ZNF763: variants seen among roughly 807,000 people sequenced by gnomAD.
ZNF763 encodes the protein zinc finger protein 763, also known as DNA-binding protein.
In ZNF763, 33 loss-of-function variants were observed where a neutral mutation model predicts 38.0. The observed-to-expected ratio is 0.87, with a 90% CI of 0.66 to 1.16. ZNF763 has a LOEUF of 1.16. ZNF763 is among the 50% of genes most tolerant of loss of function. The pLI, the probability that ZNF763 is intolerant of heterozygous loss-of-function variation, is 0.00. For synonymous variants in ZNF763, 155 were observed against 160.1 expected (o/e 0.97, Z 0.24); for missense variants, 423 against 469.1 (o/e 0.90, Z 0.91).
intron 1 of ZNF763, among the ~76,000 whole-genome samples, chr19:11,966,342 A>G (rs1973228741): frequency 6.6e-6 from 1 of 152,158 alleles, no homozygotes; most frequent in Admixed American, 6.5e-5. Context: ...GCCAAGAGCC[A>G]GTCACTTCAC....
rs1454057189 is a variant in ZNF763, at chr19:11,978,443, T to G, written c.519T>G (p.Ala173=). ...ERNHTGEKPY[A]CKECGKTFIS... ...ATCACACCGGAGAGAAACCCTATGC[T>G]TGTAAAGAATGTGGAAAAACCTTTA... The change falls in exon 4 of 4, where the codon GCT becomes GCG. Residue 173 remains alanine (A), a synonymous_variant. Transcript: ENST00000358987. The G allele has an allele frequency of 3.1e-6, 5 of 1,614,084 alleles. No individual in the cohort carries two copies. The highest frequency in any genetic ancestry group is 1.6e-4 in the Middle Eastern group (1 of 6,062).
In ZNF763 at chr19:11,979,949, C is replaced by T. The variant is rs1748585369; in HGVS notation, c.*840C>T. ...TTATTCTGCCAAGTCATTTCAAATACCTGAAAAATCTTACACTGGAGAGAA... is the reference window on the plus strand; with the variant it reads ...TTATTCTGCCAAGTCATTTCAAATATCTGAAAAATCTTACACTGGAGAGAA... On this transcript the variant is annotated 3_prime_UTR_variant, in exon 4 of 4. Coordinates refer to ENST00000358987, the MANE Select transcript of ZNF763 (RefSeq NM_001367172.2). 1.6e-6 allele frequency: 2 copies of T among 1,282,350 alleles called. No individual in the cohort carries two copies. The highest frequency in any genetic ancestry group is 4.8e-5 in the East Asian group (2 of 41,502). The allele number at this position is 1,282,350 out of a possible 1,614,324, so 79.4% of individuals were successfully genotyped here.
At chr19:11,972,592 AT>A (rs1973373859) in intron 1 of ZNF763, among the ~76,000 whole-genome samples, 1 of 152,154 alleles carries the variant, frequency 6.6e-6, no homozygotes, top group East Asian at 1.9e-4. Flanking sequence ...ATTTTTGCAC[AT>A]TTTTTATGCA....
chr19:11,969,232 G>C (rs1973300901), intron 1 of ZNF763, among the ~76,000 whole-genome samples: 1 of 152,182 alleles, frequency 6.6e-6, no homozygotes, highest in South Asian at 2.1e-4. Context: ...AGCCTTTCCA[G>C]TAGCTGGGAT....
At chr19:11,969,526 AC>A (rs1973307195) in intron 1 of ZNF763, among the ~76,000 whole-genome samples, 4 of 152,206 alleles carry the variant, frequency 2.6e-5, no homozygotes, top group Non-Finnish European at 5.9e-5. Context: ...AGTAATTTTC[AC>A]GAGTTGTATT....
At position 11,977,094 on chromosome 19, in the gene ZNF763, G is replaced by A; in HGVS notation, c.60G>A (p.Leu20=). ...ACTTCACCCAGGAGGAGTGGGCTTT[G>A]CTGGATATTTCGCAGAGGAAACTCT... ...AVNFTQEEWA[L]LDISQRKLYR... Residue 20 remains leucine, a synonymous_variant, in exon 2 of 4, where the codon TTG becomes TTA. Transcript: ENST00000358987. The A allele has an allele frequency of 6.2e-7, 1 of 1,614,148 alleles. No homozygotes were observed.
intron 1 of ZNF763, among the ~76,000 whole-genome samples, chr19:11,974,102 TTTC>T (rs1323341386): frequency 1.8e-3 from 174 of 97,292 alleles, no homozygotes; most frequent in South Asian, 7.0e-3. Context: ...TCTTTCTTTC[TTTC>T]TTTCTTTCTT....
rs1158547716 is a variant in ZNF763 at position 11,978,704 on chromosome 19, A to C, written c.780A>C (p.Gln260His). 1.7e-5 allele frequency: 28 copies of C among 1,614,156 alleles called. No homozygotes were observed. The highest frequency in any genetic ancestry group is 2.4e-5 in the Non-Finnish European group (28 of 1,179,996). ...GAGAAAAGCCTTATGAATGTCAGCA[A>C]TGTGGGAAAGCATTCCATAGTTCCA... ...HTGEKPYECQ[Q>H]CGKAFHSSSS... The change falls in exon 4 of 4, where the codon CAA (glutamine) becomes CAC (histidine). Residue 260 changes from glutamine (Q) to histidine (H), a missense_variant. Coordinates refer to ENST00000358987, the MANE Select transcript of ZNF763 (RefSeq NM_001367172.2).
At chr19:11,974,071 TTCTTTCTTTCTTTCTTTCTTTCTTTC>T (rs1973409126) in intron 1 of ZNF763, among the ~76,000 whole-genome samples, 2 of 61,146 alleles carry the variant, frequency 3.3e-5, no homozygotes. Context: ...CTTCTTTCTT[TTCTTTCTTTCTTTCTTTCTTTCTTTC>T]TTTCTTTCTT....
chr19:11,967,167 T>G (rs1056219202), intron 1 of ZNF763, among the ~76,000 whole-genome samples: 1 of 152,096 alleles, frequency 6.6e-6, no homozygotes, highest in Non-Finnish European at 1.5e-5. Flanking sequence ...AAACCTCTTC[T>G]CTTCCAAAAA....
rs201074155 is a variant in ZNF763, at chr19:11,977,480, A to G, written c.191+49A>G. ...CAGTGTCTCTAGATGATTTTAGTAT[A>G]TGATAATATGTTGAAGAGAAGTAAA... On this transcript the variant is annotated intron_variant, in intron 3 of 3. Transcript: ENST00000358987. 6.1e-5 allele frequency: 97 copies of G among 1,591,864 alleles called. 1 individual carries two copies. In the Admixed American group the frequency reaches 1.6e-3, roughly 27 times the overall value.
At chr19:11,977,871 A>G (rs1973529918) in intron 3 of ZNF763, among the ~76,000 whole-genome samples, 1 of 152,210 alleles carries the variant, frequency 6.6e-6, no homozygotes, top group Non-Finnish European at 1.5e-5. Context: ...GAAAAATCAC[A>G]CAGAGTATTT....
chr19:11,978,220 C>T lies in ZNF763; in HGVS notation c.296C>T (p.Ala99Val), dbSNP rs745663334. The T allele has an allele frequency of 1.2e-6, 2 of 1,614,042 alleles. No homozygotes were observed. The highest frequency in any genetic ancestry group is 1.1e-5 in the South Asian group (1 of 91,080). ...AGGCTGAACTTCCAGGAGAAGAAAG[C>T]TTCTCCTGAAGCAAAATCATGTGAT... ...DDRLNFQEKK[A>V]SPEAKSCDNF... The change falls in exon 4 of 4, where the codon GCT becomes GTT. Residue 99 changes from alanine to valine, a missense_variant. Physicochemically the swap from Ala to Val is moderately conservative, Grantham distance 64 (BLOSUM62 0). Coordinates refer to ENST00000358987, the MANE Select transcript of ZNF763 (RefSeq NM_001367172.2).
Position 11,978,457 on chromosome 19 carries a change from G to GA in ZNF763, c.538dup (p.Thr180AsnfsTer22), listed in dbSNP as rs1489652255. ...AAACCCTATGCTTGTAAAGAATGTG[G>GA]AAAAACCTTTATTTCCCATTCAGGC... On this transcript the variant is annotated frameshift_variant, in exon 4 of 4. Coordinates refer to ENST00000358987, the MANE Select transcript of ZNF763 (RefSeq NM_001367172.2). LOFTEE classifies it high-confidence loss of function. The GA allele has an allele frequency of 6.2e-7, 1 of 1,614,024 alleles. No homozygotes were observed. Among genetic ancestry groups the GA allele is most frequent in the African/African-American group, 1.3e-5 (1 of 74,900 alleles).
rs769190701 is a variant in ZNF763 at position 11,978,994 on chromosome 19, G to C, written c.1070G>C (p.Arg357Thr). ...TTCACGTATCCCAGTTCCCTTCGTA[G>C]ACATGAAAGGACCCACTCTGCGAAA... ...KAFTYPSSLR[R>T]HERTHSAKKP... The change falls in exon 4 of 4, where the codon AGA (arginine) becomes ACA (threonine). Residue 357 changes from arginine (R) to threonine (T), a missense_variant. Physicochemically the swap from Arg to Thr is moderately conservative, Grantham distance 71. Transcript: ENST00000358987. 1.2e-6 allele frequency: 2 copies of C among 1,614,034 alleles called. No individual in the cohort carries two copies. The highest frequency in any genetic ancestry group is 8.5e-7 in the Non-Finnish European group (1 of 1,180,028).
rs1973580593 is a variant in ZNF763, at chr19:11,979,739, A to C, written c.*630A>C. On this transcript the variant is annotated 3_prime_UTR_variant, in exon 4 of 4. Transcript: ENST00000358987. ...GTGTAAGCAATGTGGGAAAGCCTTC[A>C]GATCTGCCCCACACCTTCGAATCCA... 5 of 1,595,704 alleles carry C rather than the reference A, an allele frequency of 3.1e-6. No homozygotes were observed. Among genetic ancestry groups the C allele is most frequent in the Non-Finnish European group, 4.3e-6 (5 of 1,165,586 alleles).
chr19:11,973,717 A>AT (rs34111838), intron 1 of ZNF763, among the ~76,000 whole-genome samples: 5,693 of 142,558 alleles, frequency 0.04, 300 homozygotes, highest in African/African-American at 0.12. Flanking sequence ...GACCTTGTTA[A>AT]TTTTTTTTTT....
Position 11,978,177 on chromosome 19 carries a change from A to G in ZNF763, c.253A>G (p.Thr85Ala). The change falls in exon 4 of 4, where the codon ACC becomes GCC. Residue 85 changes from threonine to alanine, a missense_variant. Thr to Ala is a moderately conservative substitution (Grantham distance 58, BLOSUM62 0). Transcript: ENST00000358987. The part of the protein sequence containing the change: ...KEDSHCGETF[T>A]QVPDDRLNFQ... Reference sequence around the variant, plus strand: ...AGACAGTCATTGTGGAGAAACTTTTACCCAGGTTCCAGATGACAGGCTGAA... The same window carrying G: ...AGACAGTCATTGTGGAGAAACTTTTGCCCAGGTTCCAGATGACAGGCTGAA... 6.2e-7 allele frequency: 1 copy of G among 1,614,010 alleles called. No individual in the cohort carries two copies. Among genetic ancestry groups the G allele is most frequent in the Non-Finnish European group, 8.5e-7 (1 of 1,179,954 alleles).
At chr19:11,970,057 G>A (rs1421942055) in intron 1 of ZNF763, among the ~76,000 whole-genome samples, 1 of 152,174 alleles carries the variant, frequency 6.6e-6, no homozygotes, top group Non-Finnish European at 1.5e-5. Context: ...AATGCCTTAT[G>A]GTGGAGGAGA....
Sources: gnomAD v4.1 joint callset for allele counts (sites outside exome capture counted in the v4.1 genomes callset) on GRCh38, gnomAD v4.1.1 for gene constraint, MANE v1.5 for transcripts, NCBI Gene and HGNC (gene_info 2026-07-23, HGNC 2026-07-21) for gene names.